Variants in IL1RAPL1 observed in about 807,000 individuals in gnomAD.
The protein encoded by IL1RAPL1 is interleukin 1 receptor accessory protein like 1.
In IL1RAPL1, 3 loss-of-function variants were observed where a neutral mutation model predicts 48.4. The observed-to-expected ratio is 0.06, with a 90% CI of 0.03 to 0.16. The LOEUF (loss-of-function observed/expected upper bound fraction) is 0.16. Ranked by LOEUF, IL1RAPL1 falls within the 10% of genes least tolerant of loss-of-function variation. The pLI is 1.00. For synonymous variants in IL1RAPL1, 185 were observed against 187.7 expected, an observed-to-expected ratio of 0.99 and a Z score of 0.12; for missense variants, 349 against 530.6, an observed-to-expected ratio of 0.66 and a Z score of 3.36.
At chrX:28,716,304 C>A (rs746493381) in intron 1 of IL1RAPL1, among the ~76,000 whole-genome samples, 2 of 111,440 alleles carry the variant, frequency 1.8e-5, no homozygotes, top group Non-Finnish European at 3.8e-5. Context: ...CACTCATATT[C>A]AACATAGTAT....
chrX:29,919,073 A>AT (rs1461088698), intron 7 of IL1RAPL1, among the ~76,000 whole-genome samples: 12 of 111,866 alleles, frequency 1.1e-4, no homozygotes, highest in Non-Finnish European at 2.1e-4. Flanking sequence ...AAAATAACAC[A>AT]TTTTCTATTG....
chrX:28,881,020 C>G (rs753852438), intron 2 of IL1RAPL1, among the ~76,000 whole-genome samples: 1 of 110,500 alleles, frequency 9.0e-6, no homozygotes, highest in East Asian at 2.8e-4. Flanking sequence ...TTTACCTTTT[C>G]TGAAAATTAT....
chrX:29,854,432 C>T (rs975242514), intron 6 of IL1RAPL1, among the ~76,000 whole-genome samples: 4 of 111,336 alleles, frequency 3.6e-5, no homozygotes, highest in Non-Finnish European at 7.5e-5. Flanking sequence ...ATAAATCATT[C>T]ATATGATATT....
At chrX:29,812,824 G>A (rs936202059) in intron 6 of IL1RAPL1, among the ~76,000 whole-genome samples, 1 of 111,072 alleles carries the variant, frequency 9.0e-6, no homozygotes, top group African/African-American at 3.3e-5. Context: ...ATGATAAATA[G>A]TCTTTTAACC....
At chrX:29,547,626 G>T (rs1468253721) in intron 5 of IL1RAPL1, among the ~76,000 whole-genome samples, 1 of 111,367 alleles carries the variant, frequency 9.0e-6, no homozygotes, top group Admixed American at 9.6e-5. Context: ...TTCATCTTCG[G>T]TAGCATTATC....
intron 5 of IL1RAPL1, among the ~76,000 whole-genome samples, chrX:29,664,359 G>A (rs1445908669): frequency 9.9e-5 from 10 of 101,158 alleles, no homozygotes; most frequent in South Asian, 4.6e-4. Context: ...AGCGGAGATC[G>A]CGCCACTGCA....
intron 6 of IL1RAPL1, among the ~76,000 whole-genome samples, chrX:29,915,756 A>ATTTTTT (rs369807619): frequency 2.6e-4 from 12 of 45,695 alleles, no homozygotes; most frequent in African/African-American, 8.2e-4. Context: ...TATTTTTATT[A>ATTTTTT]TTTTTATTAT....
intron 2 of IL1RAPL1, among the ~76,000 whole-genome samples, chrX:29,106,582 A>G (rs1447940265): frequency 1.8e-5 from 2 of 111,998 alleles, no homozygotes; most frequent in Non-Finnish European, 3.8e-5. Flanking sequence ...GATTCATGAA[A>G]AAAATACAAT....
chrX:28,736,488 C>T (rs1443570733), intron 1 of IL1RAPL1, among the ~76,000 whole-genome samples: 1 of 110,766 alleles, frequency 9.0e-6, no homozygotes, highest in Non-Finnish European at 1.9e-5. Flanking sequence ...TTCTCTCTTG[C>T]CTTACAAAAC....
At chrX:29,574,750 C>G (rs1386711813) in intron 5 of IL1RAPL1, among the ~76,000 whole-genome samples, 3 of 111,660 alleles carry the variant, frequency 2.7e-5, no homozygotes. Flanking sequence ...GTTCCAGTTT[C>G]AGATCATCCC....
At position 29,512,111 on chromosome X, in the gene IL1RAPL1, CTCTT is replaced by C. The variant is rs762421065; in HGVS notation, c.703+112807_703+112810del. Among the ~76,000 whole-genome samples, 696 of 110,714 alleles carry C rather than the reference CTCTT, an allele frequency of 6.3e-3. 2 individuals are homozygous for C. The highest frequency in any genetic ancestry group is 0.021 in the African/African-American group (644 of 30,588). On this transcript the variant is annotated intron_variant, in intron 5 of 10. Coordinates refer to ENST00000378993, the MANE Select transcript of IL1RAPL1 (RefSeq NM_014271.4). ...TCTTTATTATATATATATATAATCT[CTCTT>C]TCTATTTAGCTTCTTAATTATTTAA...
chrX:29,102,301 T>G (rs926223696), intron 2 of IL1RAPL1, among the ~76,000 whole-genome samples: 1 of 112,168 alleles, frequency 8.9e-6, no homozygotes, highest in African/African-American at 3.2e-5. Flanking sequence ...TGCTATTCAG[T>G]GTAGTACTGG....
intron 3 of IL1RAPL1, among the ~76,000 whole-genome samples, chrX:29,342,605 C>T (rs959843373): frequency 2.0e-4 from 22 of 111,969 alleles, no homozygotes; most frequent in Non-Finnish European, 2.6e-4. Context: ...CCTCACTGTC[C>T]TCAGTCACAA....
chrX:28,845,780 T>G (rs1921492321), intron 2 of IL1RAPL1, among the ~76,000 whole-genome samples: 1 of 112,208 alleles, frequency 8.9e-6, no homozygotes, highest in South Asian at 3.6e-4. Context: ...TTAAAGATTA[T>G]TTTTAGAGCA....
chrX:29,545,384 A>G (rs6526879), intron 5 of IL1RAPL1, among the ~76,000 whole-genome samples: 5,547 of 111,317 alleles, frequency 0.05, 209 homozygotes, highest in African/African-American at 0.12. Context: ...AAGAAACACA[A>G]GTCTTAAATG....
chrX:28,962,265 T>C (rs890057365), intron 2 of IL1RAPL1, among the ~76,000 whole-genome samples: 3 of 111,997 alleles, frequency 2.7e-5, no homozygotes, highest in Admixed American at 9.5e-5. Flanking sequence ...TCTAGCAATG[T>C]TTTGTTTTCT....
At chrX:29,406,410 G>C (rs780550033) in intron 5 of IL1RAPL1, among the ~76,000 whole-genome samples, 1 of 109,767 alleles carries the variant, frequency 9.1e-6, no homozygotes, top group African/African-American at 3.3e-5. Flanking sequence ...AGCAAATCTA[G>C]CATTTCCTTT....
intron 5 of IL1RAPL1, among the ~76,000 whole-genome samples, chrX:29,562,410 A>G (rs1186828835): frequency 9.0e-6 from 1 of 111,380 alleles, no homozygotes; most frequent in Admixed American, 9.6e-5. Flanking sequence ...AAGGATGGAC[A>G]TTTTTGGAAT....
At chrX:29,471,211 T>C (rs769229215) in intron 5 of IL1RAPL1, among the ~76,000 whole-genome samples, 1 of 109,933 alleles carries the variant, frequency 9.1e-6, no homozygotes, top group African/African-American at 3.3e-5. Context: ...AAAGAGCAAA[T>C]AGGAGGGAAA....
Sources: allele counts gnomAD v4.1 joint callset (sites outside exome capture counted in the v4.1 genomes callset), GRCh38; gene constraint gnomAD v4.1.1; transcripts MANE v1.5; gene names NCBI Gene and HGNC (gene_info 2026-07-23, HGNC 2026-07-21).